CYP2C18: variants seen among roughly 807,000 people sequenced by gnomAD.
CYP2C18 encodes cytochrome P450 2C18.
A neutral mutation model predicts 41.3 loss-of-function variants in CYP2C18; 38 were observed. That is an observed-to-expected ratio of 0.92 (90% CI 0.71 to 1.21). The LOEUF (loss-of-function observed/expected upper bound fraction) is 1.21. Ranked by LOEUF, CYP2C18 falls within the 50% of genes most tolerant of loss-of-function variation. CYP2C18 has a pLI of 0.00. For missense variants in CYP2C18, 635 were observed against 591.4 expected (o/e 1.07, Z -0.77); for synonymous variants, 236 against 210.0 (o/e 1.12, Z -1.07).
intron 1 of CYP2C18, among the ~76,000 whole-genome samples, chr10:94,684,270 G>A (rs1321922676): frequency 6.6e-6 from 1 of 151,992 alleles, no homozygotes; most frequent in East Asian, 1.9e-4. Flanking sequence ...TAGTCACCTT[G>A]CTGTCCAATA....
chr10:94,719,600 A>T (rs1847614886), intron 5 of CYP2C18, among the ~76,000 whole-genome samples: 1 of 149,902 alleles, frequency 6.7e-6, no homozygotes. Context: ...TTTTGAGAGG[A>T]GTTTCACTCT....
intron 4 of CYP2C18, among the ~76,000 whole-genome samples, chr10:94,698,332 CA>C (rs1269066517): frequency 1.3e-5 from 2 of 152,204 alleles, no homozygotes; most frequent in Non-Finnish European, 1.5e-5. Context: ...GAAACTCACT[CA>C]AAACCCCTCA....
intron 5 of CYP2C18, among the ~76,000 whole-genome samples, chr10:94,708,012 A>G (rs536391705): frequency 8.5e-5 from 13 of 152,306 alleles, no homozygotes; most frequent in African/African-American, 1.2e-4. Context: ...ATCCAGAACA[A>G]ACTGAAAAGA....
intron 7 of CYP2C18, among the ~76,000 whole-genome samples, chr10:94,725,338 G>A (rs1564648379): frequency 6.6e-6 from 1 of 151,806 alleles, no homozygotes; most frequent in Non-Finnish European, 1.5e-5. Flanking sequence ...CTTACATCAA[G>A]CAAATTTACT....
chr10:94,733,634 T>C, intron 8 of CYP2C18, 196 bp downstream of exon 8: 1 of 981,052 alleles, frequency 1.0e-6, no homozygotes, highest in Non-Finnish European at 1.2e-6. Context: ...CTTTGGGGAG[T>C]TGATCCAGTT....
At chr10:94,714,924 T>C (rs187299081) in intron 5 of CYP2C18, among the ~76,000 whole-genome samples, 109 of 152,338 alleles carry the variant, frequency 7.2e-4, no homozygotes, top group African/African-American at 2.4e-3. Flanking sequence ...CTGGGTATTT[T>C]ATTCTCTTTG....
At chr10:94,725,780 C>G (rs1393701261) in intron 7 of CYP2C18, among the ~76,000 whole-genome samples, 1 of 151,952 alleles carries the variant, frequency 6.6e-6, no homozygotes, top group East Asian at 1.9e-4. Flanking sequence ...CACAAATGTG[C>G]ACACAGAGAC....
intron 7 of CYP2C18, 82 bp from the exon 8 acceptor site, chr10:94,733,215 A>C: frequency 7.5e-7 from 1 of 1,324,542 alleles, no homozygotes; most frequent in South Asian, 1.4e-5. Flanking sequence ...TTGATAAAAG[A>C]GATTGGACTA....
Position 94,688,107 on chromosome 10 carries a change from T to C in CYP2C18, c.332-18T>C. ...TGTTTGGATTCTCCCTCGTAGCTTC[T>C]GTTTTCTGTTCTGCTAGGAATCCTT... On this transcript the variant is annotated intron_variant, in intron 2 of 8. Coordinates refer to ENST00000285979, the MANE Select transcript of CYP2C18 (RefSeq NM_000772.3). 1.2e-6 allele frequency: 2 copies of C among 1,613,322 alleles called. No homozygotes were observed. Among genetic ancestry groups the C allele is most frequent in the Non-Finnish European group, 1.7e-6 (2 of 1,179,648 alleles).
intron 3 of CYP2C18, among the ~76,000 whole-genome samples, chr10:94,692,378 T>C (rs1847018809): frequency 7.0e-6 from 1 of 142,732 alleles, no homozygotes; most frequent in Non-Finnish European, 1.5e-5. Flanking sequence ...GAGCAGACAA[T>C]TCTCAAAAGA....
intron 4 of CYP2C18, among the ~76,000 whole-genome samples, chr10:94,698,219 A>C (rs1847160712): frequency 6.6e-6 from 1 of 152,328 alleles, no homozygotes; most frequent in African/African-American, 2.4e-5. Flanking sequence ...AAAATTGACC[A>C]CATAGTTGGA....
chr10:94,712,158 A>ATTTTTTTTTT (rs201742942), intron 5 of CYP2C18, among the ~76,000 whole-genome samples: 1 of 142,300 alleles, frequency 7.0e-6, no homozygotes. Context: ...TCTTTTTCCA[A>ATTTTTTTTTT]TTTTTTTTTT....
At chr10:94,700,888 A>G (rs1847227355) in intron 4 of CYP2C18, among the ~76,000 whole-genome samples, 1 of 152,248 alleles carries the variant, frequency 6.6e-6, no homozygotes, top group South Asian at 2.1e-4. Flanking sequence ...ATCACTGGCC[A>G]TCAGAGAAAT....
intron 1 of CYP2C18, among the ~76,000 whole-genome samples, chr10:94,685,811 T>C (rs1417163795): frequency 6.6e-6 from 1 of 152,230 alleles, no homozygotes; most frequent in African/African-American, 2.4e-5. Flanking sequence ...TAACATATTT[T>C]GCAGTTCAGT....
chr10:94,725,590 GT>G (rs1049304096), intron 7 of CYP2C18, among the ~76,000 whole-genome samples: 3 of 152,010 alleles, frequency 2.0e-5, no homozygotes, highest in Non-Finnish European at 4.4e-5. Flanking sequence ...TGAGAATGAT[GT>G]TTTATGTATA....
In CYP2C18 at chr10:94,688,175, C is replaced by T. The variant is rs779400410; in HGVS notation, c.382C>T (p.Leu128Phe). The stretch of plus-strand genomic sequence containing the variant: ...ATGGAAGGAGATCCGGCGTTTCTGC[C>T]TCATGACTCTGCGGAATTTTGGGAT... ...KRWKEIRRFCLMTLRNFGMGK... is the reference protein window; with the variant it reads ...KRWKEIRRFCFMTLRNFGMGK... Residue 128 changes from leucine to phenylalanine, a missense_variant, in exon 3 of 9, where the codon CTC becomes TTC. Transcript: ENST00000285979. 1.9e-6 allele frequency: 3 copies of T among 1,613,656 alleles called. No individual in the cohort carries two copies. The highest frequency in any genetic ancestry group is 1.1e-5 in the South Asian group (1 of 91,056).
intron 1 of CYP2C18, among the ~76,000 whole-genome samples, chr10:94,686,314 A>C (rs1053165883): frequency 6.6e-6 from 1 of 152,158 alleles, no homozygotes; most frequent in Non-Finnish European, 1.5e-5. Context: ...TTCTACATAT[A>C]AGATTATTTC....
intron 1 of CYP2C18, among the ~76,000 whole-genome samples, chr10:94,687,501 T>C (rs1395792731): frequency 6.6e-6 from 1 of 152,238 alleles, no homozygotes; most frequent in Non-Finnish European, 1.5e-5. Flanking sequence ...ATACAATCTG[T>C]CTTATCTGTA....
At chr10:94,696,699 T>A (rs1847123732) in intron 4 of CYP2C18, among the ~76,000 whole-genome samples, 1 of 151,848 alleles carries the variant, frequency 6.6e-6, no homozygotes, top group African/African-American at 2.4e-5. Flanking sequence ...AGCAGGAAGT[T>A]CAAACCCATG....
Sources: allele counts gnomAD v4.1 joint callset (sites outside exome capture counted in the v4.1 genomes callset), GRCh38; gene constraint gnomAD v4.1.1; transcripts MANE v1.5; gene names NCBI Gene and HGNC (gene_info 2026-07-23, HGNC 2026-07-21).